The following PCDHAC2 variants were observed in gnomAD, a reference collection of about 807,000 sequenced individuals.
PCDHAC2 encodes protocadherin alpha subfamily C, 2.
Under a neutral mutation model 63.3 loss-of-function variants are expected in PCDHAC2, and 24 were observed. The ratio of observed to expected loss-of-function variants is 0.38; its 90% CI spans 0.27 to 0.53. The LOEUF is 0.53. Among genes scored for constraint, PCDHAC2 ranks in the 20% least tolerant of loss-of-function variants. The probability of loss-of-function intolerance (pLI) is 0.81; values close to 1 mark genes in which losing one functional copy is unlikely to be tolerated. For missense variants in PCDHAC2, 1,181 were observed against 1,275.2 expected (o/e 0.93, Z 1.12); for synonymous variants, 569 against 529.4 (o/e 1.07, Z -1.03).
At position 140,982,438 on chromosome 5, in the gene PCDHAC2, T is replaced by C. The variant is rs782761318; in HGVS notation, c.2625-37T>C. On this transcript the variant is annotated intron_variant, in intron 2 of 3. Coordinates refer to ENST00000289269, the MANE Select transcript of PCDHAC2 (RefSeq NM_018899.6). ...GGAAGAAGAGATGGGAAAGAATTTA[T>C]GATCTAACCGTTATCTGGGTCTGTG... is the stretch of plus-strand genomic sequence containing the variant. The C allele has an allele frequency of 3.1e-6, 5 of 1,611,448 alleles. No individual in the cohort carries two copies. The South Asian group carries it at 5.5e-5, about 18-fold the overall frequency.
intron 3 of PCDHAC2, among the ~76,000 whole-genome samples, chr5:141,003,504 G>A (rs1336599901): frequency 9.2e-5 from 14 of 152,020 alleles, no homozygotes; most frequent in African/African-American, 3.4e-4. Context: ...GTAGAGATGG[G>A]GTTTCACCAT....
intron 3 of PCDHAC2, among the ~76,000 whole-genome samples, chr5:140,992,344 T>G (rs2097506257): frequency 6.6e-6 from 1 of 152,124 alleles, no homozygotes; most frequent in Non-Finnish European, 1.5e-5. Context: ...GATGGAAATG[T>G]GGAGAGAGGA....
At chr5:140,975,543 T>C (rs1276340507) in intron 1 of PCDHAC2, among the ~76,000 whole-genome samples, 2 of 152,206 alleles carry the variant, frequency 1.3e-5, no homozygotes, top group African/African-American at 4.8e-5. Context: ...AATACAGTCC[T>C]ATTAGGAAGG....
intron 1 of PCDHAC2, 145 bp downstream of exon 1, chr5:140,969,476 A>G: frequency 6.8e-7 from 1 of 1,473,576 alleles, no homozygotes; most frequent in Non-Finnish European, 9.0e-7. Context: ...CAATTTGATC[A>G]TAATCTGCTA....
chr5:141,009,601 A>T (rs1223112014), intron 3 of PCDHAC2, 26 bp from the exon 4 acceptor site: 6 of 1,607,482 alleles, frequency 3.7e-6, no homozygotes, highest in Non-Finnish European at 5.1e-6. Flanking sequence ...GACCCTGTTA[A>T]TGATTTGTAA....
chr5:140,986,371 G>T (rs1453761888), intron 3 of PCDHAC2, among the ~76,000 whole-genome samples: 2 of 152,116 alleles, frequency 1.3e-5, no homozygotes, highest in African/African-American at 2.4e-5. Flanking sequence ...AATGCGTTTT[G>T]GGGGGAGGGA....
intron 3 of PCDHAC2, among the ~76,000 whole-genome samples, chr5:141,003,690 T>C (rs1441506131): frequency 2.0e-5 from 3 of 152,232 alleles, no homozygotes; most frequent in African/African-American, 7.2e-5. Flanking sequence ...TTTTAAAATA[T>C]ATCCCTACCA....
intron 2 of PCDHAC2, among the ~76,000 whole-genome samples, chr5:140,981,892 G>A (rs1245605619): frequency 2.0e-5 from 3 of 152,122 alleles, no homozygotes; most frequent in Non-Finnish European, 2.9e-5. Flanking sequence ...TCTTCTGAGC[G>A]GGGATCTGTG....
At chr5:140,978,422 T>C (rs1554239303) in intron 1 of PCDHAC2, among the ~76,000 whole-genome samples, 2 of 152,218 alleles carry the variant, frequency 1.3e-5, no homozygotes, top group Non-Finnish European at 2.9e-5. Flanking sequence ...AAGAGACTGT[T>C]ATCAGTTGCT....
At position 140,967,371 on chromosome 5, in the gene PCDHAC2, A is replaced by C; in HGVS notation, c.605A>C (p.Glu202Ala). Reference sequence around the variant, plus strand: ...GAGCTGGACCTTAAGCCCCTGCAGGAGAACAGTAAAGTGCTTGAGCTGGTG... The same window carrying C: ...GAGCTGGACCTTAAGCCCCTGCAGGCGAACAGTAAAGTGCTTGAGCTGGTG... The part of the protein sequence containing the change: ...HFELDLKPLQ[E>A]NSKVLELVLR... Residue 202 changes from glutamate to alanine, a missense_variant, in exon 1 of 4, where the codon GAG becomes GCG. Physicochemically the swap from Glu to Ala is moderately radical, Grantham distance 107 (BLOSUM62 -1). This residue lies in a region of PCDHAC2 where 968 missense variants were observed against 1,073.5 expected (regional missense o/e 0.90). Transcript: ENST00000289269. 6.2e-7 allele frequency: 1 copy of C among 1,607,094 alleles called. No individual in the cohort carries two copies. The highest frequency in any genetic ancestry group is 8.5e-7 in the Non-Finnish European group (1 of 1,174,906).
Position 140,968,081 on chromosome 5 carries a change from G to A in PCDHAC2, c.1315G>A (p.Val439Met). The change falls in exon 1 of 4, where the codon GTG becomes ATG. Residue 439 changes from valine to methionine, a missense_variant. Transcript: ENST00000289269. ...GCGGGTGGCTGTCTACAACATCACGGTGACAGCCACAGATGGGGGAATACC... is the reference window on the plus strand; with the variant it reads ...GCGGGTGGCTGTCTACAACATCACGATGACAGCCACAGATGGGGGAATACC... ...RERVAVYNIT[V>M]TATDGGIPQL... 1.2e-6 allele frequency: 2 copies of A among 1,614,120 alleles called. No homozygotes were observed. Among genetic ancestry groups the A allele is most frequent in the Non-Finnish European group, 1.7e-6 (2 of 1,180,024 alleles).
intron 2 of PCDHAC2, among the ~76,000 whole-genome samples, chr5:140,982,104 G>A (rs1280175443): frequency 6.6e-6 from 1 of 152,256 alleles, no homozygotes; most frequent in Non-Finnish European, 1.5e-5. Flanking sequence ...GAACCTGCAA[G>A]AGAGGCTTGG....
At chr5:140,993,462 T>TCACACACACACACACACA (rs3836747) in intron 3 of PCDHAC2, among the ~76,000 whole-genome samples, 2 of 140,938 alleles carry the variant, frequency 1.4e-5, no homozygotes, top group African/African-American at 5.3e-5. Flanking sequence ...TCTTTCTTTC[T>TCACACACACACACACACA]CACACACACA....
Position 140,969,111 on chromosome 5 carries a change from G to A in PCDHAC2, c.2345G>A (p.Arg782Gln), listed in dbSNP as rs1554231464. 4.3e-6 allele frequency: 7 copies of A among 1,614,116 alleles called. No homozygotes were observed. Among genetic ancestry groups the A allele is most frequent in the Non-Finnish European group, 5.9e-6 (7 of 1,180,020 alleles). The change falls in exon 1 of 4, where the codon CGA becomes CAA. Residue 782 changes from arginine (R) to glutamine (Q), a missense_variant. Arg to Gln is a conservative substitution (Grantham distance 43). Transcript: ENST00000289269. ...GTGCAGCCTCACTTCATTGAAGTTC[G>A]AGGGAATGGCTCCCTCACCAAGACC... ...LKVQPHFIEVRGNGSLTKTYC... is the reference protein window; with the variant it reads ...LKVQPHFIEVQGNGSLTKTYC...
In PCDHAC2 at chr5:140,967,492, G is replaced by T. The variant is rs1554229617; in HGVS notation, c.726G>T (p.Gln242His). ...GGIPARSGTA[Q>H]ISVRVLDTND... ...TCCCAGCCCGCTCGGGTACGGCACA[G>T]ATCTCTGTGCGTGTCCTGGACACTA... The change falls in exon 1 of 4, where the codon CAG becomes CAT. Residue 242 changes from glutamine (Q) to histidine (H), a missense_variant. This residue lies in a region of PCDHAC2 where 968 missense variants were observed against 1,073.5 expected (regional missense o/e 0.90). Transcript: ENST00000289269. The T allele has an allele frequency of 3.1e-6, 5 of 1,613,380 alleles. No individual in the cohort carries two copies. Among genetic ancestry groups the T allele is most frequent in the Non-Finnish European group, 4.2e-6 (5 of 1,179,664 alleles).
intron 3 of PCDHAC2, among the ~76,000 whole-genome samples, chr5:141,008,087 A>G (rs1033572346): frequency 7.2e-5 from 11 of 152,172 alleles, no homozygotes; most frequent in African/African-American, 2.7e-4. Flanking sequence ...GTTATTCTAC[A>G]TGACAAAGAA....
At chr5:141,009,455 A>G in intron 3 of PCDHAC2, 172 bp from the exon 4 acceptor site, 1 of 946,862 alleles carries the variant, frequency 1.1e-6, no homozygotes, top group Non-Finnish European at 1.3e-6. Flanking sequence ...AAAAAATTAA[A>G]CAAATAAATA....
intron 3 of PCDHAC2, among the ~76,000 whole-genome samples, chr5:140,986,303 A>G (rs2097193977): frequency 6.6e-6 from 1 of 152,166 alleles, no homozygotes; most frequent in South Asian, 2.1e-4. Context: ...CAGAGAGAGA[A>G]AATTAGCTAA....
At position 140,968,542 on chromosome 5, in the gene PCDHAC2, G is replaced by A. The variant is rs782474856; in HGVS notation, c.1776G>A (p.Glu592=). The change falls in exon 1 of 4, where the codon GAG becomes GAA. Residue 592 remains glutamate, a synonymous_variant. Transcript: ENST00000289269. ...CAACCAACTCGTCAGCAGCCTTCGA[G>A]ATGGTGCCTCGAACTGCCCCTGCTG... is the stretch of plus-strand genomic sequence containing the variant. The part of the protein sequence containing the change: ...PTSTNSSAAF[E]MVPRTAPAGY... The A allele has an allele frequency of 1.1e-5, 18 of 1,614,204 alleles. 2 individuals are homozygous for A. In the South Asian group the frequency reaches 2.0e-4, roughly 18 times the overall value.
Sources: gnomAD v4.1 joint callset for allele counts (sites outside exome capture counted in the v4.1 genomes callset) on GRCh38, gnomAD v4.1.1 for gene constraint, gnomAD v4.1.1 regional missense constraint, MANE v1.5 for transcripts, NCBI Gene and HGNC (gene_info 2026-07-23, HGNC 2026-07-21) for gene names.